ST3GAL4: variants seen among roughly 807,000 people sequenced by gnomAD.
The protein encoded by ST3GAL4 is ST3 beta-galactoside alpha-2,3-sialyltransferase 4.
Under a neutral mutation model 42.6 loss-of-function variants are expected in ST3GAL4, and 24 were observed. The ratio of observed to expected loss-of-function variants is 0.56; its 90% CI spans 0.41 to 0.79. The LOEUF (loss-of-function observed/expected upper bound fraction) is 0.79. Among genes scored for constraint, ST3GAL4 ranks in the 30% least tolerant of loss-of-function variants. The probability of loss-of-function intolerance (pLI) is 0.00; values close to 1 mark genes in which losing one functional copy is unlikely to be tolerated. For synonymous variants in ST3GAL4, 135 were observed against 163.2 expected, an observed-to-expected ratio of 0.83 and a Z score of 1.32; for missense variants, 311 against 430.8, an observed-to-expected ratio of 0.72 and a Z score of 2.46.
chr11:126,361,601 C>T (rs1350548530), intron 1 of ST3GAL4, among the ~76,000 whole-genome samples: 2 of 152,060 alleles, frequency 1.3e-5, no homozygotes, highest in East Asian at 3.9e-4. Flanking sequence ...CACTTCCTCC[C>T]CCTTCCTCCC....
At position 126,414,242 on chromosome 11, in the gene ST3GAL4, G is replaced by A. The variant is rs905348567; in HGVS notation, c.*195G>A. On this transcript the variant is annotated 3_prime_UTR_variant, in exon 11 of 11. Transcript: ENST00000444328. The stretch of plus-strand genomic sequence containing the variant: ...CTTATGGAGCCGAGATCCAGTCAGG[G>A]TGGGGGCGCTGGAGCCGTGGGAGCC... 1.5e-5 allele frequency: 9 copies of A among 610,952 alleles called. No homozygotes were observed. Among genetic ancestry groups the A allele is most frequent in the Non-Finnish European group, 2.6e-5 (9 of 345,760 alleles). The allele number at this position is 610,952 out of a possible 1,614,324, so 37.8% of individuals were successfully genotyped here.
intron 1 of ST3GAL4, among the ~76,000 whole-genome samples, chr11:126,394,831 G>C (rs1205060363): frequency 4.8e-5 from 7 of 146,990 alleles, no homozygotes; most frequent in Non-Finnish European, 1.0e-4. Flanking sequence ...AGGGGCGGAT[G>C]GTGGGGGGTG....
In ST3GAL4 at chr11:126,381,247, G is replaced by A. The variant is rs188703179; in HGVS notation, c.-60-24849G>A. On this transcript the variant is annotated intron_variant, in intron 1 of 10. Transcript: ENST00000444328. ...ACCCATTCAGCTGCCTGAGGGCCCT[G>A]GGACCAGTGTTCATCCCCCCACCTC... Among the ~76,000 whole-genome samples, 12 of 152,292 alleles carry A rather than the reference G, an allele frequency of 7.9e-5. 2 individuals carry two copies. The highest frequency in any genetic ancestry group is 2.9e-4 in the African/African-American group (12 of 41,574).
At chr11:126,387,226 C>A (rs1322085358) in intron 1 of ST3GAL4, among the ~76,000 whole-genome samples, 1 of 152,206 alleles carries the variant, frequency 6.6e-6, no homozygotes, top group Non-Finnish European at 1.5e-5. Context: ...ATCCCATTTA[C>A]CCAAAAGAAA....
rs1231251091 is a variant in ST3GAL4 at position 126,392,590 on chromosome 11, A to G, written c.-60-13506A>G. ...TTGATGCAACTTGCTGCTCACAGTC[A>G]TCTTATTGTTTGCTGATGAATTCAG... On this transcript the variant is annotated intron_variant, in intron 1 of 10. Transcript: ENST00000444328. The surrounding 1 kb of genome is among the most constrained non-coding windows in gnomAD (Gnocchi z 5.8). Among the ~76,000 whole-genome samples, 2 of 152,206 alleles carry G rather than the reference A, an allele frequency of 1.3e-5. No homozygotes were observed. The highest frequency in any genetic ancestry group is 2.9e-5 in the Non-Finnish European group (2 of 68,042).
chr11:126,409,508 C>A lies in ST3GAL4; in HGVS notation c.771+97C>A. 6.5e-7 allele frequency: 1 copy of A among 1,533,152 alleles called. No individual in the cohort carries two copies. The highest frequency in any genetic ancestry group is 8.9e-7 in the Non-Finnish European group (1 of 1,124,306). 95.0% of individuals were successfully genotyped at this position (1,533,152 alleles called of 1,614,324 possible). A position where few individuals can be genotyped will look rare whatever the true frequency, so the allele number is the denominator to read the frequency against. On this transcript the variant is annotated intron_variant, in intron 9 of 10. Coordinates refer to ENST00000444328, the MANE Select transcript of ST3GAL4 (RefSeq NM_001254757.2). The surrounding 1 kb of genome is among the most constrained non-coding windows in gnomAD (Gnocchi z 4.9). ...AGGAAGCCCTGGAAGGATCCCATAA[C>A]AGAGGCGGCGGTTTGCATTTTCCCT...
At chr11:126,380,735 G>C (rs1565403649) in intron 1 of ST3GAL4, among the ~76,000 whole-genome samples, 2 of 152,186 alleles carry the variant, frequency 1.3e-5, no homozygotes, top group Non-Finnish European at 2.9e-5. Flanking sequence ...TCGGCAGGTA[G>C]GTGGGATTTC....
rs941152067 is a variant in ST3GAL4 at position 126,383,048 on chromosome 11, G to A, written c.-60-23048G>A. On this transcript the variant is annotated intron_variant, in intron 1 of 10. Transcript: ENST00000444328. This position sits in a 1 kb window ranked among gnomAD's most constrained non-coding sequence, Gnocchi z 4.5. ...GCCCAGAGGACAGTGAGTGTGTGTT[G>A]TGTGGGTGCCAGGCCAGGGAGTGCC... Among the ~76,000 whole-genome samples, 6 of 152,212 alleles carry A rather than the reference G, an allele frequency of 3.9e-5. No individual in the cohort carries two copies. The highest frequency in any genetic ancestry group is 2.1e-4 in the South Asian group (1 of 4,836).
Position 126,379,565 on chromosome 11 carries a change from C to T in ST3GAL4, c.-61+23723C>T, listed in dbSNP as rs1278110709. Among the ~76,000 whole-genome samples, 1 of 152,174 alleles carries T rather than the reference C, an allele frequency of 6.6e-6. No individual in the cohort carries two copies. Among genetic ancestry groups the T allele is most frequent in the Non-Finnish European group, 1.5e-5 (1 of 68,048 alleles). ...CGATCTTGGCTCACTGCAACCTCCA[C>T]CTCCCGGGTTCAAGTAATTCTCCTG... is the stretch of plus-strand genomic sequence containing the variant. On this transcript the variant is annotated intron_variant, in intron 1 of 10. Coordinates refer to ENST00000444328, the MANE Select transcript of ST3GAL4 (RefSeq NM_001254757.2). The surrounding 1 kb of genome is among the most constrained non-coding windows in gnomAD (Gnocchi z 4.2).
At chr11:126,390,233 T>C (rs2135478561) in intron 1 of ST3GAL4, among the ~76,000 whole-genome samples, 1 of 151,856 alleles carries the variant, frequency 6.6e-6, no homozygotes, top group African/African-American at 2.4e-5. Flanking sequence ...AATTGACCCA[T>C]ATGGATTGAT....
Position 126,413,579 on chromosome 11 carries a change from C to A in ST3GAL4, c.846C>A (p.Gly282=). ...ACTTGGTGCACATTGCCGGCTTTGG[C>A]TACCCAGACGCCTACAACAAGAAGC... The part of the protein sequence containing the change: ...LCDLVHIAGF[G]YPDAYNKKQT... The change falls in exon 10 of 11, where the codon GGC becomes GGA. Residue 282 remains glycine (G), a synonymous_variant. Coordinates refer to ENST00000444328, the MANE Select transcript of ST3GAL4 (RefSeq NM_001254757.2). 6.2e-7 allele frequency: 1 copy of A among 1,614,290 alleles called. No homozygotes were observed. Among genetic ancestry groups the A allele is most frequent in the Non-Finnish European group, 8.5e-7 (1 of 1,180,056 alleles).
At chr11:126,395,003 T>G (rs1953684913) in intron 1 of ST3GAL4, among the ~76,000 whole-genome samples, 1 of 152,106 alleles carries the variant, frequency 6.6e-6, no homozygotes, top group Non-Finnish European at 1.5e-5. Flanking sequence ...TTACTCACTG[T>G]GCTCTCTGCC....
chr11:126,389,053 C>G (rs1029262707), intron 1 of ST3GAL4, among the ~76,000 whole-genome samples: 14 of 152,194 alleles, frequency 9.2e-5, no homozygotes, highest in Admixed American at 8.5e-4. Flanking sequence ...GCTGGGATTA[C>G]AGGCGTGAGC....
rs1354358910 is a variant in ST3GAL4, at chr11:126,410,352, T to G, written c.771+941T>G. On this transcript the variant is annotated intron_variant, in intron 9 of 10. Transcript: ENST00000444328. This position sits in a 1 kb window ranked among gnomAD's most constrained non-coding sequence, Gnocchi z 5.3. ...CTTCCCAAGTACTTCCACCCATATC[T>G]TGGAGCCCCTCGGGGAGGCCGTGTG... Among the ~76,000 whole-genome samples, 1 of 152,208 alleles carries G rather than the reference T, an allele frequency of 6.6e-6. No homozygotes were observed. Among genetic ancestry groups the G allele is most frequent in the African/African-American group, 2.4e-5 (1 of 41,448 alleles).
Position 126,360,238 on chromosome 11 carries a change from A to G in ST3GAL4, c.-61+4396A>G, listed in dbSNP as rs551395242. Among the ~76,000 whole-genome samples the G allele has an allele frequency of 2.6e-5, 4 of 152,274 alleles. No homozygotes were observed. The South Asian group carries it at 6.2e-4, about 24-fold the overall frequency. On this transcript the variant is annotated intron_variant, in intron 1 of 10. Coordinates refer to ENST00000444328, the MANE Select transcript of ST3GAL4 (RefSeq NM_001254757.2). ...CCTGGGTTCCCACTGGGTTCTGATC[A>G]TTTGGAGGGAAGTCATGCAAGGGAC...
intron 1 of ST3GAL4, chr11:126,403,593 C>G (rs561922748): frequency 1.8e-5 from 5 of 280,090 alleles, no homozygotes; most frequent in African/African-American, 2.3e-5. Flanking sequence ...TATGTTTAAG[C>G]TCCTCAGGTC....
In ST3GAL4 at chr11:126,363,871, C is replaced by T. The variant is rs928855802; in HGVS notation, c.-61+8029C>T. 6.6e-6 allele frequency among the ~76,000 whole-genome samples: 1 copy of T among 152,256 alleles called. No individual in the cohort carries two copies. The highest frequency in any genetic ancestry group is 1.5e-5 in the Non-Finnish European group (1 of 68,046). ...TGTGAGGGTCTGGATACACTCCCCA[C>T]CCTCCCAGGCCCGGCACCGTGTCGC... On this transcript the variant is annotated intron_variant, in intron 1 of 10. Transcript: ENST00000444328. This position sits in a 1 kb window ranked among gnomAD's most constrained non-coding sequence, Gnocchi z 4.6.
At chr11:126,360,048 C>G (rs1952194739) in intron 1 of ST3GAL4, among the ~76,000 whole-genome samples, 2 of 152,230 alleles carry the variant, frequency 1.3e-5, no homozygotes, top group African/African-American at 2.4e-5. Context: ...TGGGCTGGCT[C>G]AAGGCCAGAG....
chr11:126,394,293 C>T (rs1014440783), intron 1 of ST3GAL4, among the ~76,000 whole-genome samples: 5 of 152,232 alleles, frequency 3.3e-5, no homozygotes, highest in Non-Finnish European at 7.3e-5. Flanking sequence ...CCACACAGGC[C>T]CTGGATTTCT....
Sources: allele counts gnomAD v4.1 joint callset (sites outside exome capture counted in the v4.1 genomes callset), GRCh38; gene constraint gnomAD v4.1.1; non-coding constraint Gnocchi (gnomAD v3.1); transcripts MANE v1.5; gene names NCBI Gene and HGNC (gene_info 2026-07-23, HGNC 2026-07-21).